Variants in PEAK1 observed in about 807,000 individuals in gnomAD.
PEAK1 encodes the protein inactive tyrosine-protein kinase PEAK1.
Under a neutral mutation model 124.7 loss-of-function variants are expected in PEAK1, and 54 were observed. The observed-to-expected ratio is 0.43, with a 90% CI of 0.35 to 0.54. The LOEUF (loss-of-function observed/expected upper bound fraction) is 0.54, where lower values mean the gene tolerates loss of function less well. Ranked by LOEUF, PEAK1 falls within the 20% of genes least tolerant of loss-of-function variation. PEAK1 has a pLI of 0.01. For synonymous variants in PEAK1, 719 were observed against 760.0 expected (o/e 0.95, Z 0.89); for missense variants, 2,046 against 2,134.5 (o/e 0.96, Z 0.82).
At position 77,122,012 on chromosome 15, in the gene PEAK1, G is replaced by C. The variant is rs116248252; in HGVS notation, c.4078-6693C>G. 4.7e-3 allele frequency among the ~76,000 whole-genome samples: 716 copies of C among 152,258 alleles called. 4 individuals are homozygous for C. Among genetic ancestry groups the C allele is most frequent in the African/African-American group, 0.016 (662 of 41,546 alleles). ...TAATCCCACTCTAAGAATACAGGCT[G>C]ATCAGTGATTGACCTCAATTCCTTG... On this transcript the variant is annotated intron_variant, in intron 9 of 9. Coordinates refer to ENST00000682557, the MANE Select transcript of PEAK1 (RefSeq NM_001385026.1).
At chr15:77,290,562 T>A (rs2063162233) in intron 2 of PEAK1, among the ~76,000 whole-genome samples, 1 of 148,928 alleles carries the variant, frequency 6.7e-6, no homozygotes, top group African/African-American at 2.4e-5. Flanking sequence ...TTCTTCTTCT[T>A]TTTTTTTTTT....
At chr15:77,298,708 A>G (rs944421803) in intron 2 of PEAK1, among the ~76,000 whole-genome samples, 1 of 152,194 alleles carries the variant, frequency 6.6e-6, no homozygotes, top group Non-Finnish European at 1.5e-5. Context: ...GTAGGAAAAT[A>G]GTATACTTGG....
Position 77,179,746 on chromosome 15 carries a change from G to A in PEAK1, c.2181C>T (p.Ser727=), listed in dbSNP as rs180860594. The change falls in exon 7 of 10, where the codon AGC becomes AGT. Residue 727 remains serine (S), a synonymous_variant. Transcript: ENST00000682557. ...TCTGGATCTTTGCTGGGGAGCTGTG[G>A]CTGGAACTATAGCTTCTCTGTGGTG... ...QSSPQRSYSS[S]HSSPAKIQRA... is the part of the protein sequence containing the mutation. The A allele has an allele frequency of 4.3e-6, 7 of 1,614,098 alleles. No individual in the cohort carries two copies. In the African/African-American group the frequency reaches 8.0e-5, roughly 18 times the overall value.
chr15:77,118,978 G>C (rs2051646241), intron 9 of PEAK1, among the ~76,000 whole-genome samples: 1 of 152,256 alleles, frequency 6.6e-6, no homozygotes, highest in Admixed American at 6.5e-5. Context: ...AGTGACACTA[G>C]AGGGAGCTGC....
chr15:77,296,626 A>C (rs1249502714), intron 2 of PEAK1, among the ~76,000 whole-genome samples: 2 of 151,632 alleles, frequency 1.3e-5, no homozygotes, highest in African/African-American at 4.9e-5. Flanking sequence ...AAAAATAAAT[A>C]AATAAAAGAA....
intron 5 of PEAK1, among the ~76,000 whole-genome samples, chr15:77,273,114 C>A (rs118170276): frequency 1.3e-5 from 2 of 152,042 alleles, no homozygotes; most frequent in South Asian, 4.1e-4. Flanking sequence ...AGGAACATAC[C>A]TTAAGGTAAT....
At chr15:77,283,487 A>T (rs2062772611) in intron 5 of PEAK1, among the ~76,000 whole-genome samples, 1 of 152,156 alleles carries the variant, frequency 6.6e-6, no homozygotes. Flanking sequence ...AACTGCTCAT[A>T]CCCACATACT....
intron 2 of PEAK1, among the ~76,000 whole-genome samples, chr15:77,355,186 A>G (rs560884777): frequency 2.6e-5 from 4 of 152,334 alleles, no homozygotes; most frequent in African/African-American, 7.2e-5. Context: ...AACGGAAAGT[A>G]GCATGGTGTA....
chr15:77,174,664 G>A (rs2056732984), intron 7 of PEAK1, among the ~76,000 whole-genome samples: 1 of 152,160 alleles, frequency 6.6e-6, no homozygotes, highest in African/African-American at 2.4e-5. Flanking sequence ...TTAAAGAAAA[G>A]TTTAATATCT....
intron 1 of PEAK1, among the ~76,000 whole-genome samples, chr15:77,376,394 G>T (rs1325863497): frequency 6.6e-6 from 1 of 151,970 alleles, no homozygotes; most frequent in Non-Finnish European, 1.5e-5. Context: ...TAAGGGGGTG[G>T]GGGGGAAGTA....
Position 77,115,195 on chromosome 15 carries a change from C to T in PEAK1, c.4202G>A (p.Arg1401His), listed in dbSNP as rs202142391. 12 of 1,614,140 alleles carry T rather than the reference C, an allele frequency of 7.4e-6. No individual in the cohort carries two copies. The highest frequency in any genetic ancestry group is 6.7e-5 in the East Asian group (3 of 44,874). Residue 1401 changes from arginine (R) to histidine (H), a missense_variant, in exon 10 of 10, where the codon CGT becomes CAT. Coordinates refer to ENST00000682557, the MANE Select transcript of PEAK1 (RefSeq NM_001385026.1). ...ATCTGGATCCTCCCAGGGAAGCAGA[C>T]GGTTAGGGACTTCAGCAAGGAAATG... Reference protein sequence around the residue: ...CGHFLAEVPNRLLPWEDPDDP... With the variant: ...CGHFLAEVPNHLLPWEDPDDP...
At chr15:77,137,982 G>T (rs1329911275) in intron 8 of PEAK1, among the ~76,000 whole-genome samples, 1 of 152,174 alleles carries the variant, frequency 6.6e-6, no homozygotes, top group East Asian at 1.9e-4. Context: ...AGTCTCACAA[G>T]ATCTGACGGT....
intron 8 of PEAK1, among the ~76,000 whole-genome samples, chr15:77,145,252 C>T (rs2152760385): frequency 6.6e-6 from 1 of 152,250 alleles, no homozygotes; most frequent in South Asian, 2.1e-4. Flanking sequence ...AGTTCGAGAC[C>T]ACCCTGGGCA....
intron 2 of PEAK1, among the ~76,000 whole-genome samples, chr15:77,299,516 G>A (rs1380431235): frequency 6.6e-6 from 1 of 152,102 alleles, no homozygotes; most frequent in Non-Finnish European, 1.5e-5. Flanking sequence ...AATGTCTTTT[G>A]TAGCAAAGGC....
At chr15:77,121,141 T>C (rs528395125) in intron 9 of PEAK1, among the ~76,000 whole-genome samples, 106 of 152,150 alleles carry the variant, frequency 7.0e-4, no homozygotes, top group Non-Finnish European at 1.3e-3. Context: ...TGGGTATATC[T>C]CATGATGCTG....
At position 77,133,586 on chromosome 15, in the gene PEAK1, C is replaced by G; in HGVS notation, c.3496G>C (p.Glu1166Gln). Reference protein sequence around the residue: ...PKKMIIRANTEPISKDLQKSM... With the variant: ...PKKMIIRANTQPISKDLQKSM... ...TTTTGGAGGTCCTTGGAGATTGGCT[C>G]TGTATTGGCTCTTATGATCATCTTC... Residue 1166 changes from glutamate (E) to glutamine (Q), a missense_variant, in exon 9 of 10, where the codon GAG (glutamate) becomes CAG (glutamine). By Grantham distance (29) the Glu-to-Gln change is conservative. Coordinates refer to ENST00000682557, the MANE Select transcript of PEAK1 (RefSeq NM_001385026.1). The surrounding 1 kb of genome is among the most constrained non-coding windows in gnomAD (Gnocchi z 4.2). 1 of 1,614,096 alleles carries G rather than the reference C, an allele frequency of 6.2e-7. No homozygotes were observed. Among genetic ancestry groups the G allele is most frequent in the Middle Eastern group, 1.6e-4 (1 of 6,062 alleles).
chr15:77,177,160 T>C (rs568243942), intron 7 of PEAK1, among the ~76,000 whole-genome samples: 2 of 152,294 alleles, frequency 1.3e-5, no homozygotes, highest in East Asian at 3.9e-4. Context: ...TTCACCATGT[T>C]GGCAAGGCTG....
intron 1 of PEAK1, chr15:77,402,967 T>C (rs1489454863): frequency 1.0e-6 from 1 of 985,326 alleles, no homozygotes; most frequent in Non-Finnish European, 1.2e-6. Context: ...TGAAATGCAG[T>C]TCTGGGTAGA....
chr15:77,340,959 T>C (rs1250902143), intron 2 of PEAK1, among the ~76,000 whole-genome samples: 1 of 152,048 alleles, frequency 6.6e-6, no homozygotes, highest in Non-Finnish European at 1.5e-5. Context: ...TATAGCTTTT[T>C]TTTTTTTTTT....
Sources: gnomAD v4.1 joint callset for allele counts (sites outside exome capture counted in the v4.1 genomes callset) on GRCh38, gnomAD v4.1.1 for gene constraint, Gnocchi (gnomAD v3.1) non-coding constraint, MANE v1.5 for transcripts, NCBI Gene and HGNC (gene_info 2026-07-23, HGNC 2026-07-21) for gene names.